Variants in FYN observed in about 807,000 individuals in gnomAD.
The protein encoded by FYN is FYN proto-oncogene, Src family tyrosine kinase, also known as tyrosine-protein kinase Fyn.
In FYN, 10 loss-of-function variants were observed where a neutral mutation model predicts 70.2. That is an observed-to-expected ratio of 0.14 (90% CI 0.09 to 0.24). The LOEUF is 0.24. Ranked by LOEUF, FYN falls within the 10% of genes least tolerant of loss-of-function variation. The pLI, the probability that FYN is intolerant of heterozygous loss-of-function variation, is 1.00. For missense variants in FYN, 319 were observed against 673.1 expected, an observed-to-expected ratio of 0.47 and a Z score of 5.82; for synonymous variants, 236 against 248.6, an observed-to-expected ratio of 0.95 and a Z score of 0.48.
chr6:111,796,763 C>T (rs907066253), intron 2 of FYN, among the ~76,000 whole-genome samples: 1 of 152,100 alleles, frequency 6.6e-6, no homozygotes. Context: ...GATTGAAATC[C>T]CCTCGTGGGT....
At chr6:111,855,802 C>A (rs1017279364) in intron 1 of FYN, among the ~76,000 whole-genome samples, 1 of 152,130 alleles carries the variant, frequency 6.6e-6, no homozygotes, top group Non-Finnish European at 1.5e-5. Context: ...AAGCCTGTAG[C>A]CAACTGCAGT....
At chr6:111,703,931 C>T in intron 7 of FYN, 68 bp downstream of exon 7, 1 of 1,196,584 alleles carries the variant, frequency 8.4e-7, no homozygotes, top group Non-Finnish European at 1.2e-6. Context: ...TAGAGATAAG[C>T]CTTTCATCCC....
rs369708387 is a variant in FYN, at chr6:111,727,953, C to T, written c.-11-7891G>A. On this transcript the variant is annotated intron_variant, in intron 3 of 13. Transcript: ENST00000354650. ...CCTTTCTGCATAGCCTTCCATTTCTCGAGCCCGAAGACTCAAAAGCGCTCA... is the reference window on the plus strand; with the variant it reads ...CCTTTCTGCATAGCCTTCCATTTCTTGAGCCCGAAGACTCAAAAGCGCTCA... 2.6e-5 allele frequency among the ~76,000 whole-genome samples: 4 copies of T among 152,238 alleles called. No individual in the cohort carries two copies. In the South Asian group the frequency reaches 6.2e-4, roughly 24 times the overall value.
intron 3 of FYN, among the ~76,000 whole-genome samples, chr6:111,750,310 C>G (rs1415192362): frequency 6.6e-6 from 1 of 152,162 alleles, no homozygotes; most frequent in African/African-American, 2.4e-5. Flanking sequence ...CTTGTGAGAT[C>G]TGGTTGTTTA....
chr6:111,669,984 T>C lies in FYN; in HGVS notation c.1405+4515A>G, dbSNP rs115037926. On this transcript the variant is annotated intron_variant, in intron 13 of 13. Coordinates refer to ENST00000354650, the MANE Select transcript of FYN (RefSeq NM_002037.5). The stretch of plus-strand genomic sequence containing the variant: ...GCTTTCCAAAGCAGATGATGTTCAG[T>C]TGGGCTTTGAAGGGTTCTGAGGCAG... Among the ~76,000 whole-genome samples, 869 of 152,016 alleles carry C rather than the reference T, an allele frequency of 5.7e-3. 6 individuals carry two copies. Among genetic ancestry groups the C allele is most frequent in the African/African-American group, 0.02 (822 of 41,436 alleles).
intron 4 of FYN, among the ~76,000 whole-genome samples, chr6:111,717,652 C>T (rs1008860061): frequency 2.6e-5 from 4 of 152,068 alleles, no homozygotes; most frequent in African/African-American, 4.8e-5. Context: ...TTAGTAGAGA[C>T]GGGGTTTCGC....
chr6:111,849,221 A>C (rs946726648), intron 1 of FYN, among the ~76,000 whole-genome samples: 1 of 152,198 alleles, frequency 6.6e-6, no homozygotes. Context: ...TAATGTTGCA[A>C]ATGTGTGGTC....
intron 6 of FYN, among the ~76,000 whole-genome samples, chr6:111,705,349 C>T (rs1182077260): frequency 6.6e-6 from 1 of 151,704 alleles, no homozygotes; most frequent in Admixed American, 6.6e-5. Flanking sequence ...TTACCAAGCA[C>T]CTGGATTGTG....
chr6:111,854,568 A>G (rs1353238695), intron 1 of FYN, among the ~76,000 whole-genome samples: 1 of 152,258 alleles, frequency 6.6e-6, no homozygotes, highest in Non-Finnish European at 1.5e-5. Flanking sequence ...TACATGAAAT[A>G]TTCGCAGGAA....
chr6:111,696,842 G>A (rs929615956), intron 9 of FYN: 2 of 156,290 alleles, frequency 1.3e-5, no homozygotes, highest in African/African-American at 4.8e-5. Context: ...AGGGAGTACA[G>A]TGTGCATGGA....
chr6:111,773,628 G>GAGGGGGAAAA (rs1331076798), intron 3 of FYN, among the ~76,000 whole-genome samples: 1 of 74,978 alleles, frequency 1.3e-5, no homozygotes, highest in East Asian at 5.2e-4. Flanking sequence ...GAGGGGGAAA[G>GAGGGGGAAAA]GAGAGGGGGA....
intron 3 of FYN, among the ~76,000 whole-genome samples, chr6:111,754,900 G>A (rs1393130515): frequency 2.0e-5 from 3 of 151,252 alleles, no homozygotes; most frequent in South Asian, 2.1e-4. Flanking sequence ...AAAAGGACTC[G>A]AAATTCTGTT....
Position 111,753,497 on chromosome 6 carries a change from T to C in FYN, c.-12+27069A>G, listed in dbSNP as rs373448463. Among the ~76,000 whole-genome samples the C allele has an allele frequency of 6.6e-5, 10 of 152,268 alleles. 1 individual carries two copies. Among genetic ancestry groups the C allele is most frequent in the East Asian group, 5.8e-4 (3 of 5,186 alleles). On this transcript the variant is annotated intron_variant, in intron 3 of 13. Transcript: ENST00000354650. ...TAGATGAAGATATTGAAAATTTGTATGGTGAAATATTCAGATGGAACAAAC... is the reference window on the plus strand; with the variant it reads ...TAGATGAAGATATTGAAAATTTGTACGGTGAAATATTCAGATGGAACAAAC...
At chr6:111,758,235 AT>A (rs1160169671) in intron 3 of FYN, among the ~76,000 whole-genome samples, 3 of 152,244 alleles carry the variant, frequency 2.0e-5, no homozygotes, top group Admixed American at 2.0e-4. Context: ...TGACTAAAAA[AT>A]ATTCACGGTG....
chr6:111,742,457 G>GACCCAGA (rs1802020151), intron 3 of FYN, among the ~76,000 whole-genome samples: 1 of 152,150 alleles, frequency 6.6e-6, no homozygotes, highest in Non-Finnish European at 1.5e-5. Flanking sequence ...CTGAGGGCCA[G>GACCCAGA]GTTTATTCAT....
intron 3 of FYN, among the ~76,000 whole-genome samples, chr6:111,777,812 T>C (rs930117734): frequency 6.6e-6 from 1 of 152,212 alleles, no homozygotes; most frequent in African/African-American, 2.4e-5. Flanking sequence ...GACACAGCAC[T>C]GCCTCTAAAG....
intron 2 of FYN, among the ~76,000 whole-genome samples, chr6:111,825,708 T>C (rs1772810803): frequency 6.6e-6 from 1 of 152,146 alleles, no homozygotes; most frequent in African/African-American, 2.4e-5. Flanking sequence ...GGGGGAGTTC[T>C]GTGATGCAGA....
rs1156760169 is a variant in FYN at position 111,694,024 on chromosome 6, AC to A, written c.1273+350del. 6.6e-6 allele frequency among the ~76,000 whole-genome samples: 1 copy of A among 152,154 alleles called. No homozygotes were observed. The highest frequency in any genetic ancestry group is 2.4e-5 in the African/African-American group (1 of 41,440). ...AACCCTGCCTGTGCCTTTGTAAAAAACACAGGCATGTGAGAATGTGAGAATA... is the reference window on the plus strand; with the variant it reads ...AACCCTGCCTGTGCCTTTGTAAAAAAACAGGCATGTGAGAATGTGAGAATA... On this transcript the variant is annotated intron_variant, in intron 12 of 13. Coordinates refer to ENST00000354650, the MANE Select transcript of FYN (RefSeq NM_002037.5). This position sits in a 1 kb window ranked among gnomAD's most constrained non-coding sequence, Gnocchi z 5.0.
At chr6:111,803,729 T>A (rs1397782209) in intron 2 of FYN, among the ~76,000 whole-genome samples, 2 of 152,134 alleles carry the variant, frequency 1.3e-5, no homozygotes, top group Non-Finnish European at 2.9e-5. Flanking sequence ...CTGGCTAACA[T>A]TTAACACCAT....
Sources: gnomAD v4.1 joint callset for allele counts (sites outside exome capture counted in the v4.1 genomes callset) on GRCh38, gnomAD v4.1.1 for gene constraint, Gnocchi (gnomAD v3.1) non-coding constraint, MANE v1.5 for transcripts, NCBI Gene and HGNC (gene_info 2026-07-23, HGNC 2026-07-21) for gene names.